Variants in CEP112 observed in about 807,000 individuals in gnomAD.
CEP112 encodes centrosomal protein of 112 kDa.
CEP112 carries 127 observed loss-of-function variants against 153.0 expected under a neutral mutation model. The ratio of observed to expected loss-of-function variants is 0.83; its 90% confidence interval spans 0.72 to 0.96. The LOEUF is 0.96. Ranked by LOEUF, CEP112 falls within the 40% of genes least tolerant of loss-of-function variation. CEP112 has a pLI of 0.00. For synonymous variants in CEP112, 358 were observed against 374.4 expected (o/e 0.96, Z 0.51); for missense variants, 1,089 against 1,101.2 (o/e 0.99, Z 0.16).
chr17:66,119,243 C>T (rs892422753), intron 6 of CEP112, among the ~76,000 whole-genome samples: 4 of 152,054 alleles, frequency 2.6e-5, no homozygotes, highest in Admixed American at 6.6e-5. Flanking sequence ...AGCTAATGCA[C>T]GCTGGGCTTA....
intron 17 of CEP112, among the ~76,000 whole-genome samples, chr17:65,966,936 T>G (rs374879602): frequency 6.6e-6 from 1 of 152,188 alleles, no homozygotes; most frequent in South Asian, 2.1e-4. Flanking sequence ...AATCAATGCA[T>G]GCAGGGCCAC....
At chr17:66,086,985 T>TA (rs548941580) in intron 8 of CEP112, among the ~76,000 whole-genome samples, 19 of 152,250 alleles carry the variant, frequency 1.2e-4, no homozygotes, top group East Asian at 3.9e-4. Flanking sequence ...AAAAATATGA[T>TA]AAAAAAACTT....
At chr17:66,175,547 C>A (rs1255997416) in intron 3 of CEP112, among the ~76,000 whole-genome samples, 2 of 152,094 alleles carry the variant, frequency 1.3e-5, no homozygotes, top group Non-Finnish European at 2.9e-5. Flanking sequence ...ATGTGCCATC[C>A]TATCTCTTTC....
At chr17:65,895,183 A>T (rs2059615707) in intron 20 of CEP112, among the ~76,000 whole-genome samples, 1 of 152,102 alleles carries the variant, frequency 6.6e-6, no homozygotes, top group African/African-American at 2.4e-5. Context: ...ATGAAAATAC[A>T]TATAGTCATC....
intron 23 of CEP112, among the ~76,000 whole-genome samples, chr17:65,719,498 C>T (rs1873397753): frequency 6.6e-6 from 1 of 152,170 alleles, no homozygotes; most frequent in African/African-American, 2.4e-5. Context: ...ACGAGAATCA[C>T]TTGAACCCTG....
chr17:65,691,889 G>A (rs773188823), intron 23 of CEP112, among the ~76,000 whole-genome samples: 1 of 152,104 alleles, frequency 6.6e-6, no homozygotes, highest in Non-Finnish European at 1.5e-5. Flanking sequence ...ACTTAAATCT[G>A]ATTATGTTGT....
intron 17 of CEP112, among the ~76,000 whole-genome samples, chr17:65,980,934 C>T (rs954797126): frequency 2.6e-5 from 4 of 152,178 alleles, no homozygotes; most frequent in African/African-American, 9.6e-5. Flanking sequence ...CCGGCCACCA[C>T]ACCCAGATAA....
chr17:65,704,186 C>T (rs1237872030), intron 23 of CEP112, among the ~76,000 whole-genome samples: 1 of 151,976 alleles, frequency 6.6e-6, no homozygotes, highest in African/African-American at 2.4e-5. Context: ...TGCTGGGAAA[C>T]ATCAGAAGCT....
chr17:65,950,699 C>CTAG (rs111958511), intron 18 of CEP112, among the ~76,000 whole-genome samples: 15,671 of 147,020 alleles, frequency 0.11, 993 homozygotes, highest in Non-Finnish European at 0.14. Flanking sequence ...GGATACATTA[C>CTAG]TAGTAGTAGT....
chr17:65,926,638 G>A (rs7207882), intron 19 of CEP112, among the ~76,000 whole-genome samples: 5,808 of 152,064 alleles, frequency 0.038, 331 homozygotes, highest in African/African-American at 0.12. Context: ...GCTTGAACCC[G>A]AGAGGTGGCG....
rs1377995260 is a variant in CEP112, at chr17:65,988,506, C to T, written c.1736+17184G>A. 5.3e-5 allele frequency among the ~76,000 whole-genome samples: 8 copies of T among 151,822 alleles called. No individual in the cohort carries two copies. In the East Asian group the frequency reaches 1.2e-3, roughly 22 times the overall value. ...ATTCAATATAGCATTTTTAAGAAAA[C>T]TCAGTGATCTCCAACATAACACAGA... On this transcript the variant is annotated intron_variant, in intron 17 of 26. Coordinates refer to ENST00000535342, the MANE Select transcript of CEP112 (RefSeq NM_001199165.4).
At chr17:66,049,520 T>C (rs371106378) in intron 12 of CEP112, among the ~76,000 whole-genome samples, 1 of 152,102 alleles carries the variant, frequency 6.6e-6, no homozygotes, top group South Asian at 2.1e-4. Context: ...GAGGCCAAGG[T>C]GGGTGGATCA....
intron 24 of CEP112, chr17:65,655,416 A>G: frequency 7.0e-7 from 1 of 1,428,750 alleles, no homozygotes; most frequent in East Asian, 2.3e-5. Context: ...ACATGACATG[A>G]AGATAACATT....
chr17:65,920,822 C>T (rs1208181766), intron 19 of CEP112, among the ~76,000 whole-genome samples: 1 of 152,062 alleles, frequency 6.6e-6, no homozygotes, highest in Non-Finnish European at 1.5e-5. Flanking sequence ...AGGCACCACA[C>T]TCCCCTTATC....
intron 21 of CEP112, among the ~76,000 whole-genome samples, chr17:65,779,950 T>A (rs545447143): frequency 6.6e-6 from 1 of 152,246 alleles, no homozygotes; most frequent in South Asian, 2.1e-4. Context: ...CTGGACCTAC[T>A]GAGTTTCTCA....
intron 21 of CEP112, among the ~76,000 whole-genome samples, chr17:65,807,789 T>G (rs2055699957): frequency 6.6e-6 from 1 of 152,234 alleles, no homozygotes; most frequent in Non-Finnish European, 1.5e-5. Context: ...TGGAAATGCC[T>G]GAATGTCCAG....
At chr17:66,026,522 A>C (rs1033864641) in intron 16 of CEP112, among the ~76,000 whole-genome samples, 1 of 152,174 alleles carries the variant, frequency 6.6e-6, no homozygotes, top group African/African-American at 2.4e-5. Context: ...TACCAAATAC[A>C]TCCCATTGAT....
intron 16 of CEP112, among the ~76,000 whole-genome samples, chr17:66,016,480 T>C (rs1293116990): frequency 2.6e-5 from 4 of 152,154 alleles, no homozygotes; most frequent in Non-Finnish European, 5.9e-5. Flanking sequence ...TAGGTTACAC[T>C]GCTCTACTGA....
intron 16 of CEP112, among the ~76,000 whole-genome samples, chr17:66,006,591 G>T (rs1480892337): frequency 1.3e-5 from 2 of 151,578 alleles, no homozygotes; most frequent in East Asian, 3.9e-4. Flanking sequence ...GGGCAACAGA[G>T]TGAGACTCCA....
Sources: allele counts gnomAD v4.1 joint callset (sites outside exome capture counted in the v4.1 genomes callset), GRCh38; gene constraint gnomAD v4.1.1; transcripts MANE v1.5; gene names NCBI Gene and HGNC (gene_info 2026-07-23, HGNC 2026-07-21).